Variants in NCALD observed in about 807,000 individuals in gnomAD.
NCALD encodes the protein neurocalcin delta, also known as neurocalcin-delta.
A neutral mutation model predicts 18.6 loss-of-function variants in NCALD; 10 were observed. That is an observed-to-expected ratio of 0.54 (90% CI 0.33 to 0.91). The LOEUF (loss-of-function observed/expected upper bound fraction) is 0.91, where lower values mean the gene tolerates loss of function less well. Ranked by LOEUF, NCALD falls within the 40% of genes least tolerant of loss-of-function variation. The pLI is 0.03. For synonymous variants in NCALD, 88 were observed against 87.4 expected (o/e 1.01, Z -0.04); for missense variants, 184 against 247.6 (o/e 0.74, Z 1.72).
chr8:102,001,460 T>C (rs977804463), intron 2 of NCALD, among the ~76,000 whole-genome samples: 1 of 152,318 alleles, frequency 6.6e-6, no homozygotes, highest in African/African-American at 2.4e-5. Flanking sequence ...CTGCAGGATA[T>C]TGTCCAGGAG....
At chr8:101,725,923 T>C (rs1162444390) in intron 1 of NCALD, among the ~76,000 whole-genome samples, 1 of 152,050 alleles carries the variant, frequency 6.6e-6, no homozygotes, top group Non-Finnish European at 1.5e-5. Flanking sequence ...CTGCAGTGGG[T>C]GAACGGGTGT....
Position 101,807,528 on chromosome 8 carries a change from A to G in NCALD, c.-20+79613T>C, listed in dbSNP as rs113057719. On this transcript the variant is annotated intron_variant, in intron 4 of 6. Coordinates refer to the NCALD transcript ENST00000311028. ...ATCATTTGCCCAGGATCAAAAAGCCAAAGAATTTTGATACTAATTCAACAC... is the reference window on the plus strand; with the variant it reads ...ATCATTTGCCCAGGATCAAAAAGCCGAAGAATTTTGATACTAATTCAACAC... Among the ~76,000 whole-genome samples, 871 of 152,304 alleles carry G rather than the reference A, an allele frequency of 5.7e-3. 11 individuals carry two copies. Among genetic ancestry groups the G allele is most frequent in the African/African-American group, 0.018 (766 of 41,576 alleles).
chr8:102,087,417 A>C (rs1457293148), intron 1 of NCALD, among the ~76,000 whole-genome samples: 2 of 152,150 alleles, frequency 1.3e-5, no homozygotes, highest in Admixed American at 1.3e-4. Context: ...GCTTTGGGTA[A>C]GTGGTAGGGC....
At chr8:101,882,022 G>A (rs1192972596) in intron 4 of NCALD, among the ~76,000 whole-genome samples, 1 of 152,126 alleles carries the variant, frequency 6.6e-6, no homozygotes, top group Non-Finnish European at 1.5e-5. Flanking sequence ...GAGACATTTG[G>A]CAATGTCTTC....
intron 2 of NCALD, chr8:101,986,599 T>G (rs943264063): frequency 5.9e-5 from 9 of 152,390 alleles, no homozygotes; most frequent in Non-Finnish European, 1.0e-4. Flanking sequence ...CACTTGCAGC[T>G]GTCATCTGAC....
intron 2 of NCALD, among the ~76,000 whole-genome samples, chr8:101,918,624 ACTT>A (rs1176293318): frequency 2.0e-5 from 3 of 152,252 alleles, no homozygotes; most frequent in African/African-American, 7.2e-5. Context: ...CAACTGATAA[ACTT>A]CTTCAGTAAA....
At chr8:101,835,324 C>T (rs1001181952) in intron 4 of NCALD, among the ~76,000 whole-genome samples, 10 of 152,312 alleles carry the variant, frequency 6.6e-5, no homozygotes, top group Non-Finnish European at 1.2e-4. Context: ...GGTCATTTTG[C>T]CCCTCCCAAC....
intron 2 of NCALD, among the ~76,000 whole-genome samples, chr8:101,953,615 C>T (rs1262995441): frequency 6.6e-6 from 1 of 152,246 alleles, no homozygotes; most frequent in Non-Finnish European, 1.5e-5. Flanking sequence ...AGAACCAGGG[C>T]TCAGCCAGAG....
chr8:102,078,091 C>T (rs568242238), intron 1 of NCALD, among the ~76,000 whole-genome samples: 2 of 152,300 alleles, frequency 1.3e-5, no homozygotes, highest in Non-Finnish European at 2.9e-5. Context: ...TCACCCCCAT[C>T]CTGACCCTTT....
At chr8:101,870,076 C>G (rs1815939054) in intron 4 of NCALD, among the ~76,000 whole-genome samples, 1 of 152,162 alleles carries the variant, frequency 6.6e-6, no homozygotes. Context: ...AGAAAATACA[C>G]TAGTTCATGA....
At chr8:101,886,491 G>A (rs58635849) in intron 4 of NCALD, among the ~76,000 whole-genome samples, 7,466 of 152,078 alleles carry the variant, frequency 0.049, 586 homozygotes, top group African/African-American at 0.17. Flanking sequence ...TCTCGTCTGG[G>A]GCCATTAACT....
At chr8:101,859,556 T>C (rs1815456422) in intron 4 of NCALD, among the ~76,000 whole-genome samples, 1 of 152,142 alleles carries the variant, frequency 6.6e-6, no homozygotes, top group African/African-American at 2.4e-5. Flanking sequence ...AATAGGAGGC[T>C]AGATAAAGAC....
intron 2 of NCALD, among the ~76,000 whole-genome samples, chr8:102,005,786 C>G (rs986063697): frequency 8.7e-5 from 13 of 150,228 alleles, no homozygotes; most frequent in African/African-American, 2.7e-4. Flanking sequence ...GACAAAAAAA[C>G]CAAACACCGC....
chr8:102,005,359 T>C (rs1821660572), intron 2 of NCALD, among the ~76,000 whole-genome samples: 1 of 152,172 alleles, frequency 6.6e-6, no homozygotes, highest in Non-Finnish European at 1.5e-5. Context: ...ATGGCGATCA[T>C]TCAAAAGTCA....
At chr8:101,815,214 G>A (rs1217951336) in intron 4 of NCALD, among the ~76,000 whole-genome samples, 1 of 152,082 alleles carries the variant, frequency 6.6e-6, no homozygotes, top group African/African-American at 2.4e-5. Flanking sequence ...TTGACTTCAA[G>A]TCTTACTATA....
At chr8:101,985,414 A>C (rs1820771473) in intron 2 of NCALD, among the ~76,000 whole-genome samples, 1 of 152,224 alleles carries the variant, frequency 6.6e-6, no homozygotes, top group South Asian at 2.1e-4. Flanking sequence ...CCTAGACTCA[A>C]GGGTGATTTG....
At chr8:102,017,442 G>T (rs143072686) in intron 2 of NCALD, among the ~76,000 whole-genome samples, 1 of 152,152 alleles carries the variant, frequency 6.6e-6, no homozygotes, top group African/African-American at 2.4e-5. Context: ...GGCTGAGCGC[G>T]GTGGCTCACG....
chr8:101,968,174 G>A (rs942413698), intron 2 of NCALD, among the ~76,000 whole-genome samples: 2 of 152,144 alleles, frequency 1.3e-5, no homozygotes, highest in African/African-American at 4.8e-5. Flanking sequence ...GAGTCGGTAG[G>A]TATTGGCTTT....
intron 1 of NCALD, among the ~76,000 whole-genome samples, chr8:102,110,709 T>C (rs190657168): frequency 5.8e-4 from 89 of 152,360 alleles, no homozygotes; most frequent in African/African-American, 2.0e-3. Context: ...GTTAAGACTT[T>C]TTAAATGTTC....
Sources: gnomAD v4.1 joint callset for allele counts (sites outside exome capture counted in the v4.1 genomes callset) on GRCh38, gnomAD v4.1.1 for gene constraint, MANE v1.5 for transcripts, NCBI Gene and HGNC (gene_info 2026-07-23, HGNC 2026-07-21) for gene names.